IPO11: variants seen among roughly 807,000 people sequenced by gnomAD.
IPO11 encodes importin-11.
In IPO11, 66 loss-of-function variants were observed where a neutral mutation model predicts 143.2. The observed-to-expected ratio is 0.46, with a 90% CI of 0.38 to 0.57. The LOEUF (loss-of-function observed/expected upper bound fraction) is 0.57, where lower values mean the gene tolerates loss of function less well. IPO11 is among the 20% of genes least tolerant of loss of function. IPO11 has a pLI of 0.00. For missense variants in IPO11, 1,026 were observed against 1,141.0 expected (o/e 0.90, Z 1.45); for synonymous variants, 385 against 377.8 (o/e 1.02, Z -0.22).
At chr5:62,496,303 A>G (rs374615630) in intron 16 of IPO11, among the ~76,000 whole-genome samples, 2 of 151,996 alleles carry the variant, frequency 1.3e-5, no homozygotes, top group Non-Finnish European at 2.9e-5. Flanking sequence ...AAAAGAAAAA[A>G]AAAAAGAAGT....
At chr5:62,449,888 G>T in intron 3 of IPO11, 39 bp from the exon 4 acceptor site, 2 of 1,251,956 alleles carry the variant, frequency 1.6e-6, no homozygotes, top group Admixed American at 2.4e-5. Context: ...TTATTAGGTG[G>T]CATTCTTTTG....
At chr5:62,466,824 A>G (rs1353468503) in intron 5 of IPO11, among the ~76,000 whole-genome samples, 5 of 152,214 alleles carry the variant, frequency 3.3e-5, no homozygotes, top group Non-Finnish European at 4.4e-5. Context: ...TAGTGGAGAT[A>G]AAAAGAATAA....
chr5:62,600,750 G>A (rs535639889), intron 28 of IPO11, among the ~76,000 whole-genome samples: 11 of 152,292 alleles, frequency 7.2e-5, no homozygotes, highest in African/African-American at 2.6e-4. Context: ...TAGGGATTGA[G>A]TTCCTGCCGT....
intron 29 of IPO11, among the ~76,000 whole-genome samples, chr5:62,623,774 C>T (rs1746458415): frequency 1.3e-5 from 2 of 151,458 alleles, no homozygotes; most frequent in South Asian, 4.2e-4. Context: ...GCCACCATGG[C>T]CAGCTAATTT....
rs138086413 is a variant in IPO11, at chr5:62,538,762, C to T, written c.2250+1473C>T. ...AGATTTGCGTAAGCACAGTCTATGA[C>T]GTTTGCACAACAGTGAAATCGCCTA... is the stretch of plus-strand genomic sequence containing the variant. On this transcript the variant is annotated intron_variant, in intron 24 of 29. Transcript: ENST00000325324. 5.6e-4 allele frequency among the ~76,000 whole-genome samples: 86 copies of T among 152,294 alleles called. 1 individual carries two copies. The highest frequency in any genetic ancestry group is 1.9e-3 in the African/African-American group (81 of 41,562).
Position 62,537,273 on chromosome 5 carries a change from A to G in IPO11, c.2234A>G (p.Gln745Arg). ...TTAAAGGAAATTACTACAGAAGGTC[A>G]AGTTCAGGTGCTCAAGGTATTGTGA... Reference protein sequence around the residue: ...ELLKEITTEGQVQVLKVVENA... With the variant: ...ELLKEITTEGRVQVLKVVENA... Residue 745 changes from glutamine to arginine, a missense_variant, in exon 24 of 30, where the codon CAA becomes CGA. This residue lies in a region of IPO11 where 351 missense variants were observed against 358.9 expected (regional missense o/e 0.98). Transcript: ENST00000325324. 1 of 1,595,014 alleles carries G rather than the reference A, an allele frequency of 6.3e-7. No homozygotes were observed. The highest frequency in any genetic ancestry group is 1.7e-4 in the Middle Eastern group (1 of 5,998).
chr5:62,558,922 A>G (rs1050032397), intron 26 of IPO11, among the ~76,000 whole-genome samples: 11 of 152,208 alleles, frequency 7.2e-5, no homozygotes, highest in Non-Finnish European at 1.3e-4. Flanking sequence ...AAAGTCATAT[A>G]CATTTTTTGG....
intron 1 of IPO11, among the ~76,000 whole-genome samples, chr5:62,421,408 GT>G (rs1367368770): frequency 6.6e-5 from 10 of 152,188 alleles, no homozygotes; most frequent in African/African-American, 2.2e-4. Flanking sequence ...TGAACTTGAT[GT>G]ATTTTTGTTC....
At chr5:62,435,136 G>GTATATATATGTATATATGTATATATGTA (rs200504250) in intron 1 of IPO11, among the ~76,000 whole-genome samples, 1 of 95,900 alleles carries the variant, frequency 1.0e-5, no homozygotes, top group African/African-American at 5.7e-5. Flanking sequence ...GTATATATAT[G>GTATATATATGTATATATGTATATATGTA]TATATATGTA....
At chr5:62,552,582 G>A (rs2112351560) in intron 26 of IPO11, among the ~76,000 whole-genome samples, 1 of 151,370 alleles carries the variant, frequency 6.6e-6, no homozygotes, top group East Asian at 1.9e-4. Flanking sequence ...AAAGTGCTGA[G>A]ATTACAGGAT....
intron 8 of IPO11, among the ~76,000 whole-genome samples, chr5:62,475,259 G>A (rs1461758306): frequency 2.6e-5 from 4 of 152,086 alleles, no homozygotes; most frequent in East Asian, 1.9e-4. Context: ...GTGACTCAAC[G>A]CCTGTAACCC....
At chr5:62,527,841 G>A (rs1742416428) in intron 21 of IPO11, among the ~76,000 whole-genome samples, 1 of 152,016 alleles carries the variant, frequency 6.6e-6, no homozygotes. Context: ...TTTCTTGATG[G>A]GTTAGAGTTT....
intron 24 of IPO11, among the ~76,000 whole-genome samples, chr5:62,541,216 A>T (rs1030040483): frequency 1.3e-5 from 2 of 151,916 alleles, no homozygotes; most frequent in Non-Finnish European, 2.9e-5. Flanking sequence ...TACTAAAAAT[A>T]CAAAATTAGC....
At chr5:62,566,236 T>G (rs1200239867) in intron 27 of IPO11, among the ~76,000 whole-genome samples, 1 of 152,154 alleles carries the variant, frequency 6.6e-6, no homozygotes, top group Non-Finnish European at 1.5e-5. Context: ...CTAATTTACA[T>G]TCTCACCAAC....
At chr5:62,567,489 A>T (rs868360558) in intron 27 of IPO11, among the ~76,000 whole-genome samples, 1,558 of 123,012 alleles carry the variant, frequency 0.013, 15 homozygotes, top group African/African-American at 0.025. Context: ...TATTATTATT[A>T]TTATTATTTT....
chr5:62,578,720 C>T (rs1203289163), intron 27 of IPO11: 1 of 468,940 alleles, frequency 2.1e-6, no homozygotes, highest in African/African-American at 2.0e-5. Context: ...GTATCCATGG[C>T]AACCTCTGTT....
At chr5:62,617,119 A>G (rs1338431161) in intron 29 of IPO11, among the ~76,000 whole-genome samples, 1 of 152,214 alleles carries the variant, frequency 6.6e-6, no homozygotes, top group Non-Finnish European at 1.5e-5. Context: ...TTGGAACCAC[A>G]AAGGCAATTA....
intron 24 of IPO11, among the ~76,000 whole-genome samples, chr5:62,546,568 G>T (rs1159868032): frequency 6.6e-6 from 1 of 152,008 alleles, no homozygotes; most frequent in Non-Finnish European, 1.5e-5. Flanking sequence ...TGCACGTTGT[G>T]CACTTGTACC....
chr5:62,624,430 T>C (rs1331635803), intron 29 of IPO11, among the ~76,000 whole-genome samples: 1 of 152,068 alleles, frequency 6.6e-6, no homozygotes, highest in African/African-American at 2.4e-5. Flanking sequence ...ACCGTCATGG[T>C]GCTGGTGGGA....
Sources: gnomAD v4.1 joint callset for allele counts (sites outside exome capture counted in the v4.1 genomes callset) on GRCh38, gnomAD v4.1.1 for gene constraint, gnomAD v4.1.1 regional missense constraint, MANE v1.5 for transcripts, NCBI Gene and HGNC (gene_info 2026-07-23, HGNC 2026-07-21) for gene names.